The following NAA50 variants were observed in gnomAD, a reference collection of about 807,000 sequenced individuals.
NAA50 encodes the protein N-alpha-acetyltransferase 50, NatE catalytic subunit.
In NAA50, 7 loss-of-function variants were observed where a neutral mutation model predicts 20.7. The ratio of observed to expected loss-of-function variants is 0.34; its 90% CI spans 0.19 to 0.63. The LOEUF (loss-of-function observed/expected upper bound fraction) is 0.63. NAA50 is among the 30% of genes least tolerant of loss of function. The pLI, the probability that NAA50 is intolerant of heterozygous loss-of-function variation, is 0.75. For missense variants in NAA50, 111 were observed against 199.1 expected (o/e 0.56, Z 2.66); for synonymous variants, 54 against 70.6 (o/e 0.77, Z 1.18).
Position 113,718,690 on chromosome 3 carries a change from A to C in NAA50, c.*3070T>G, listed in dbSNP as rs1474049454. On this transcript the variant is annotated 3_prime_UTR_variant, in exon 5 of 5. Coordinates refer to ENST00000240922, the MANE Select transcript of NAA50 (RefSeq NM_025146.4). Reference sequence around the variant, plus strand: ...AACATTACTAACTAGATTGCAGCCTAAAGTGTCAAGTATTTCTAATAATTA... The same window carrying C: ...AACATTACTAACTAGATTGCAGCCTCAAGTGTCAAGTATTTCTAATAATTA... 1 of 152,218 alleles carries C rather than the reference A, an allele frequency of 6.6e-6. No individual in the cohort carries two copies. The highest frequency in any genetic ancestry group is 2.4e-5 in the African/African-American group (1 of 41,448). The allele number at this position is 152,218 out of a possible 1,614,324, so 9.4% of individuals were successfully genotyped here.
Position 113,723,561 on chromosome 3 carries a change from G to T in NAA50, c.146-20C>A. 6.3e-7 allele frequency: 1 copy of T among 1,592,934 alleles called. No homozygotes were observed. Among genetic ancestry groups the T allele is most frequent in the Non-Finnish European group, 8.5e-7 (1 of 1,170,582 alleles). Reference sequence around the variant, plus strand: ...AATAGGCTGCCAAGGAAAACATAAAGATATAATGTTGAACAGACAGAATAA... The same window carrying T: ...AATAGGCTGCCAAGGAAAACATAAATATATAATGTTGAACAGACAGAATAA... On this transcript the variant is annotated intron_variant, in intron 2 of 4. Coordinates refer to ENST00000240922, the MANE Select transcript of NAA50 (RefSeq NM_025146.4).
chr3:113,734,493 A>G (rs1185369495), intron 1 of NAA50, among the ~76,000 whole-genome samples: 1 of 152,218 alleles, frequency 6.6e-6, no homozygotes, highest in Non-Finnish European at 1.5e-5. Context: ...AATTAAATAA[A>G]ATACAAACAT....
rs201426258 is a variant in NAA50, at chr3:113,730,446, A to G, written c.9-6351T>C. On this transcript the variant is annotated intron_variant, in intron 1 of 4. Coordinates refer to ENST00000240922, the MANE Select transcript of NAA50 (RefSeq NM_025146.4). ...TTTTGATTGATTCCTTGGCTTTCGG[A>G]AAAAAAAAAGAAAAAAAAAAACTTT... Among the ~76,000 whole-genome samples the G allele has an allele frequency of 1.0e-4, 15 of 149,242 alleles. No individual in the cohort carries two copies. In the South Asian group the frequency reaches 2.5e-3, roughly 25 times the overall value.
intron 1 of NAA50, among the ~76,000 whole-genome samples, chr3:113,734,139 C>T (rs1374206770): frequency 2.0e-5 from 3 of 152,226 alleles, no homozygotes; most frequent in Non-Finnish European, 2.9e-5. Flanking sequence ...AGAACAAAAT[C>T]ACATTCTTTG....
In NAA50 at chr3:113,745,990, C is replaced by G. The variant is rs750381590; in HGVS notation, c.-41G>C. On this transcript the variant is annotated 5_prime_UTR_variant, in exon 1 of 5. Coordinates refer to ENST00000240922, the MANE Select transcript of NAA50 (RefSeq NM_025146.4). ...AGGCCGTCGTTACCACCGATATCAACGCCGTCGTAGTCGCCGCCCTTAGGT... is the reference window on the plus strand; with the variant it reads ...AGGCCGTCGTTACCACCGATATCAAGGCCGTCGTAGTCGCCGCCCTTAGGT... 6.2e-7 allele frequency: 1 copy of G among 1,605,828 alleles called. No homozygotes were observed. Among genetic ancestry groups the G allele is most frequent in the Non-Finnish European group, 8.5e-7 (1 of 1,179,440 alleles).
intron 2 of NAA50, 22 bp downstream of exon 2, chr3:113,723,937 C>T (rs574666427): frequency 1.6e-6 from 2 of 1,282,880 alleles, no homozygotes; most frequent in Admixed American, 2.5e-5. Flanking sequence ...GAAGGGAGGA[C>T]AAAAAAAAAA....
chr3:113,724,080 C>T lies in NAA50; in HGVS notation c.24G>A (p.Leu8=), dbSNP rs565002331. The T allele has an allele frequency of 6.3e-7, 1 of 1,588,048 alleles. No homozygotes were observed. The highest frequency in any genetic ancestry group is 1.3e-5 in the African/African-American group (1 of 74,292). The change falls in exon 2 of 5, where the codon CTG becomes CTA. Residue 8 remains leucine (L), a synonymous_variant. Coordinates refer to ENST00000240922, the MANE Select transcript of NAA50 (RefSeq NM_025146.4). MKGSRIE[L]GDVTPHNIKQ... is the part of the protein sequence containing the mutation. ...TAATATTGTGTGGTGTCACATCTCC[C>T]AGCTCGATCCGGCTACTGGAACAAA...
chr3:113,743,650 T>C (rs1317506302), intron 1 of NAA50, among the ~76,000 whole-genome samples: 2 of 152,196 alleles, frequency 1.3e-5, no homozygotes, highest in African/African-American at 4.8e-5. Flanking sequence ...ATTTGTTAAG[T>C]TAAAGGGATT....
At position 113,717,271 on chromosome 3, in the gene NAA50, T is replaced by C. The variant is rs1443772734; in HGVS notation, c.*4489A>G. The C allele has an allele frequency of 2.6e-5, 4 of 152,128 alleles. No homozygotes were observed. Among genetic ancestry groups the C allele is most frequent in the African/African-American group, 7.2e-5 (3 of 41,390 alleles). 9.4% of individuals were successfully genotyped at this position (152,128 alleles called of 1,614,324 possible). A position where few individuals can be genotyped will look rare whatever the true frequency, so the allele number is the denominator to read the frequency against. ...ATTGCTTGAATCTGGGAGGCGGAGTTTGCAGTGAGCCAAGATCGCGCCACT... is the reference window on the plus strand; with the variant it reads ...ATTGCTTGAATCTGGGAGGCGGAGTCTGCAGTGAGCCAAGATCGCGCCACT... On this transcript the variant is annotated 3_prime_UTR_variant, in exon 5 of 5. Transcript: ENST00000240922.
intron 1 of NAA50, chr3:113,741,323 A>G (rs1282422856): frequency 8.7e-6 from 3 of 343,288 alleles, no homozygotes; most frequent in African/African-American, 6.5e-5. Flanking sequence ...CGCCAACTGT[A>G]GCTAGTCACG....
chr3:113,730,236 G>A lies in NAA50; in HGVS notation c.9-6141C>T, dbSNP rs1708255051. Reference sequence around the variant, plus strand: ...GAATTGCTTGAACCCAAGGGCAGAGGTTGCAGTGAGCCGAGATCGCCACCA... The same window carrying A: ...GAATTGCTTGAACCCAAGGGCAGAGATTGCAGTGAGCCGAGATCGCCACCA... On this transcript the variant is annotated intron_variant, in intron 1 of 4. Transcript: ENST00000240922. Among the ~76,000 whole-genome samples the A allele has an allele frequency of 2.0e-5, 3 of 151,870 alleles. 1 individual carries two copies. The highest frequency in any genetic ancestry group is 4.4e-5 in the Non-Finnish European group (3 of 67,918).
At chr3:113,731,540 A>C (rs1708273447) in intron 1 of NAA50, among the ~76,000 whole-genome samples, 1 of 152,152 alleles carries the variant, frequency 6.6e-6, no homozygotes, top group South Asian at 2.1e-4. Flanking sequence ...TTTTTTTACT[A>C]TAAAGTTGTG....
At chr3:113,742,501 C>G (rs764725818) in intron 1 of NAA50, among the ~76,000 whole-genome samples, 2 of 151,276 alleles carry the variant, frequency 1.3e-5, no homozygotes, top group South Asian at 4.2e-4. Flanking sequence ...TCTCAGCTCA[C>G]TACAACCTCC....
intron 3 of NAA50, 124 bp downstream of exon 3, chr3:113,723,298 C>T: frequency 1.1e-6 from 1 of 947,270 alleles, no homozygotes; most frequent in Non-Finnish European, 1.5e-6. Context: ...CCATATTTTA[C>T]ATAATTCAGT....
intron 4 of NAA50, 104 bp downstream of exon 4, chr3:113,722,802 G>C: frequency 7.7e-7 from 1 of 1,306,960 alleles, no homozygotes. Flanking sequence ...CTTCCACAGT[G>C]TTTCCAAAGG....
intron 1 of NAA50, among the ~76,000 whole-genome samples, chr3:113,731,231 T>G (rs1708268474): frequency 1.3e-5 from 2 of 151,970 alleles, no homozygotes; most frequent in African/African-American, 2.4e-5. Context: ...TTGTCATTTG[T>G]AAGTTATGTA....
rs1034030378 is a variant in NAA50 at position 113,718,329 on chromosome 3, C to T, written c.*3431G>A. On this transcript the variant is annotated 3_prime_UTR_variant, in exon 5 of 5. Coordinates refer to ENST00000240922, the MANE Select transcript of NAA50 (RefSeq NM_025146.4). ...TCCTGGCTAACAGCTTGACTGCAAC[C>T]TTCTGAGATCTCAAGACAGAACCAC... The T allele has an allele frequency of 1.3e-5, 2 of 152,178 alleles. No homozygotes were observed. Among genetic ancestry groups the T allele is most frequent in the South Asian group, 2.1e-4 (1 of 4,828 alleles). The allele number at this position is 152,178 out of a possible 1,614,324, so 9.4% of individuals were successfully genotyped here.
At position 113,746,245 on chromosome 3, in the gene NAA50, C is replaced by A; in HGVS notation, c.-296G>T. ...GCCAGACCCGCTGCCGCGCTGTGAC[C>A]TTTCACCCCGCCCCTCGCGCGCCGG... On this transcript the variant is annotated 5_prime_UTR_variant, in exon 1 of 5. In the 5' UTR this introduces an upstream ATG that the reference lacks. Coordinates refer to ENST00000240922, the MANE Select transcript of NAA50 (RefSeq NM_025146.4). 2.4e-6 allele frequency: 1 copy of A among 425,272 alleles called. No individual in the cohort carries two copies. The highest frequency in any genetic ancestry group is 3.3e-5 in the South Asian group (1 of 30,418). The allele number at this position is 425,272 out of a possible 1,614,324, so 26.3% of individuals were successfully genotyped here.
At position 113,719,059 on chromosome 3, in the gene NAA50, T is replaced by C; in HGVS notation, c.*2701A>G. The C allele has an allele frequency of 6.5e-6, 1 of 152,682 alleles. No individual in the cohort carries two copies. The highest frequency in any genetic ancestry group is 1.9e-4 in the East Asian group (1 of 5,206). 9.5% of individuals were successfully genotyped at this position (152,682 alleles called of 1,614,324 possible). ...TGTTAAAATTGACAAGTTTAATTCT[T>C]AACTGCACCAAGTAAACTTAGCCAT... On this transcript the variant is annotated 3_prime_UTR_variant, in exon 5 of 5. Coordinates refer to ENST00000240922, the MANE Select transcript of NAA50 (RefSeq NM_025146.4).
Sources: allele counts gnomAD v4.1 joint callset (sites outside exome capture counted in the v4.1 genomes callset), GRCh38; gene constraint gnomAD v4.1.1; transcripts MANE v1.5; gene names NCBI Gene and HGNC (gene_info 2026-07-23, HGNC 2026-07-21).